Variants in DRC7 observed in about 807,000 individuals in gnomAD.
The protein encoded by DRC7 is dynein regulatory complex subunit 7.
In DRC7, 80 loss-of-function variants were observed where a neutral mutation model predicts 104.4. The observed-to-expected ratio is 0.77, with a 90% CI of 0.64 to 0.92. The LOEUF is 0.92. Ranked by LOEUF, DRC7 falls within the 40% of genes least tolerant of loss-of-function variation. The pLI, the probability that DRC7 is intolerant of heterozygous loss-of-function variation, is 0.00. For missense variants in DRC7, 1,034 were observed against 1,141.1 expected (o/e 0.91, Z 1.35); for synonymous variants, 405 against 447.3 (o/e 0.91, Z 1.19).
At chr16:57,719,361 G>T (rs2048879139) in intron 9 of DRC7, among the ~76,000 whole-genome samples, 1 of 152,190 alleles carries the variant, frequency 6.6e-6, no homozygotes, top group South Asian at 2.1e-4. Flanking sequence ...CTGGAGGCTG[G>T]AAGTCTGAGA....
chr16:57,695,097 A>T (rs181439584), intron 1 of DRC7, among the ~76,000 whole-genome samples: 3 of 152,240 alleles, frequency 2.0e-5, no homozygotes, highest in Admixed American at 2.0e-4. Flanking sequence ...CCTTCCCCAC[A>T]CTGGGCTATA....
chr16:57,716,337 T>C (rs2048843326), intron 8 of DRC7, among the ~76,000 whole-genome samples: 1 of 151,856 alleles, frequency 6.6e-6, no homozygotes, highest in African/African-American at 2.4e-5. Flanking sequence ...ACCCTATCTC[T>C]ACTAAAAATA....
chr16:57,718,144 C>T (rs1158540417), intron 8 of DRC7, among the ~76,000 whole-genome samples: 1 of 152,200 alleles, frequency 6.6e-6, no homozygotes, highest in Non-Finnish European at 1.5e-5. Context: ...TTCTGCTCCC[C>T]CTCGGGGCCT....
chr16:57,727,112 C>A (rs368416335), intron 15 of DRC7, 170 bp downstream of exon 15: 165 of 647,886 alleles, frequency 2.5e-4, no homozygotes, highest in African/African-American at 2.4e-3. Flanking sequence ...TAGCGCACAC[C>A]ACCATGCCTG....
intron 9 of DRC7, 61 bp downstream of exon 9, chr16:57,718,536 A>G: frequency 6.3e-7 from 1 of 1,593,182 alleles, no homozygotes; most frequent in Non-Finnish European, 8.6e-7. Context: ...GAGCCTGACA[A>G]GTGTCCCCAG....
intron 16 of DRC7, among the ~76,000 whole-genome samples, chr16:57,727,812 C>T (rs117186664): frequency 6.6e-6 from 1 of 152,368 alleles, no homozygotes; most frequent in East Asian, 1.9e-4. Context: ...TTGCAAGGCC[C>T]CGCCTGGTTT....
chr16:57,728,239 T>C (rs139875027), intron 16 of DRC7, 151 bp from the exon 17 acceptor site: 2 of 610,676 alleles, frequency 3.3e-6, no homozygotes, highest in African/African-American at 1.9e-5. Flanking sequence ...GAGACCAGCA[T>C]GTGGGCCCTT....
chr16:57,720,263 C>T (rs1239906334), intron 9 of DRC7, among the ~76,000 whole-genome samples: 1 of 152,226 alleles, frequency 6.6e-6, no homozygotes, highest in East Asian at 1.9e-4. Flanking sequence ...TGAACCTACA[C>T]AGTCTGGCTC....
intron 7 of DRC7, 92 bp from the exon 8 acceptor site, chr16:57,707,368 C>T: frequency 8.3e-7 from 1 of 1,204,886 alleles, no homozygotes; most frequent in Non-Finnish European, 1.2e-6. Context: ...ACTCAGCTCT[C>T]CTGCTGGTTC....
chr16:57,716,389 G>A (rs1395804853), intron 8 of DRC7, among the ~76,000 whole-genome samples: 1 of 151,612 alleles, frequency 6.6e-6, no homozygotes, highest in African/African-American at 2.4e-5. Flanking sequence ...TGTAATCCCA[G>A]CTACTCAGGA....
intron 7 of DRC7, 122 bp from the exon 8 acceptor site, chr16:57,707,338 A>G: frequency 1.2e-6 from 1 of 811,278 alleles, no homozygotes; most frequent in Non-Finnish European, 1.9e-6. Flanking sequence ...ACTCCGGTTG[A>G]TGGTGCAGTC....
At position 57,718,428 on chromosome 16, in the gene DRC7, G is replaced by A. The variant is rs1597806415; in HGVS notation, c.1159G>A (p.Glu387Lys). 2 of 1,614,140 alleles carry A rather than the reference G, an allele frequency of 1.2e-6. No individual in the cohort carries two copies. The highest frequency in any genetic ancestry group is 4.5e-5 in the East Asian group (2 of 44,886). ...GTDKSQLSLT[E>K]EDDSGINDED... The stretch of plus-strand genomic sequence containing the variant: ...TGATAAGTCTCAGCTGTCCTTGACT[G>A]AAGAAGACGACAGTGGGATAAACGA... Residue 387 changes from glutamate to lysine, a missense_variant, in exon 9 of 19, where the codon GAA (glutamate) becomes AAA (lysine). Transcript: ENST00000360716.
rs59677714 is a variant in DRC7, at chr16:57,729,057, G to GGTGAGTGA, written c.2391+481_2391+488dup. ...AGGTGGGTGGATGGATGGGTGGGTG[G>GGTGAGTGA]GTGAGTGAGTGAGTGGATGGATGAG... is the stretch of plus-strand genomic sequence containing the variant. On this transcript the variant is annotated intron_variant, in intron 17 of 18. Coordinates refer to ENST00000360716, the MANE Select transcript of DRC7 (RefSeq NM_001289162.2). 1.1e-4 allele frequency among the ~76,000 whole-genome samples: 16 copies of GGTGAGTGA among 144,308 alleles called. 1 individual carries two copies. The East Asian group carries it at 2.8e-3, about 26-fold the overall frequency. The allele number at this position is 144,308 out of a possible 152,430, so 94.7% of individuals were successfully genotyped here.
intron 5 of DRC7, among the ~76,000 whole-genome samples, chr16:57,701,110 G>T (rs1230305201): frequency 6.6e-6 from 1 of 152,190 alleles, no homozygotes; most frequent in African/African-American, 2.4e-5. Flanking sequence ...GTAGGTAAGG[G>T]GGAGGAAGGA....
Position 57,727,412 on chromosome 16 carries a change from C to A in DRC7, c.2196+3C>A. The stretch of plus-strand genomic sequence containing the variant: ...GCAAGGAATATCGGGAGGCCATGGT[C>A]AGTCCCAATCCCTTCTCCAGGCCCC... On this transcript the variant is annotated splice_donor_region_variant and intron_variant, in intron 16 of 18. Transcript: ENST00000360716. 1.9e-6 allele frequency: 3 copies of A among 1,605,966 alleles called. No individual in the cohort carries two copies. In the South Asian group the frequency reaches 3.3e-5, roughly 18 times the overall value.
chr16:57,721,361 G>T (rs181443120), intron 9 of DRC7, among the ~76,000 whole-genome samples: 2 of 152,170 alleles, frequency 1.3e-5, no homozygotes, highest in East Asian at 3.8e-4. Context: ...CCCCTTAGCT[G>T]GTCTTGGAGA....
chr16:57,726,026 C>CGCTCATCCTTT (rs765897683), intron 13 of DRC7, 42 bp from the exon 14 acceptor site: 59 of 1,545,718 alleles, frequency 3.8e-5, no homozygotes, highest in Non-Finnish European at 4.4e-5. Flanking sequence ...TCCTCTCACA[C>CGCTCATCCTTT]GCTCATCCTT....
intron 12 of DRC7, among the ~76,000 whole-genome samples, chr16:57,723,773 C>T (rs1039089332): frequency 4.8e-5 from 7 of 144,496 alleles, no homozygotes; most frequent in African/African-American, 1.9e-4. Flanking sequence ...AAAAGAAAAG[C>T]ATAGGAGTAA....
At chr16:57,729,801 G>A (rs568935972) in intron 17 of DRC7, among the ~76,000 whole-genome samples, 19 of 140,826 alleles carry the variant, frequency 1.3e-4, no homozygotes, top group African/African-American at 5.0e-4. Context: ...TGGATGGATG[G>A]ATGAGTGAGT....
Sources: gnomAD v4.1 joint callset for allele counts (sites outside exome capture counted in the v4.1 genomes callset) on GRCh38, gnomAD v4.1.1 for gene constraint, MANE v1.5 for transcripts, NCBI Gene and HGNC (gene_info 2026-07-23, HGNC 2026-07-21) for gene names.